C1QTNF3: variants seen among roughly 807,000 people sequenced by gnomAD.
C1QTNF3 encodes C1q and TNF related 3.
C1QTNF3 carries 26 observed loss-of-function variants against 32.6 expected under a neutral mutation model. That is an observed-to-expected ratio of 0.80 (90% CI 0.58 to 1.11). The LOEUF (loss-of-function observed/expected upper bound fraction) is 1.11. C1QTNF3 is among the 50% of genes least tolerant of loss of function. The pLI, the probability that C1QTNF3 is intolerant of heterozygous loss-of-function variation, is 0.00. For missense variants in C1QTNF3, 362 were observed against 398.2 expected (o/e 0.91, Z 0.77); for synonymous variants, 155 against 146.0 (o/e 1.06, Z -0.44).
chr5:34,158,170 GATCTC>G, the C1QTNF3 span: 8 of 148,446 alleles, frequency 5.4e-5, no homozygotes, highest in African/African-American at 2.0e-4. Context: ...ACAGTGGTGT[GATCTC>G]AGCTCACTGC....
At chr5:34,103,491 C>G in the C1QTNF3 span, among the ~76,000 whole-genome samples, 35 of 149,774 alleles carry the variant, frequency 2.3e-4, no homozygotes, top group African/African-American at 8.2e-4. Flanking sequence ...TTATAATTTG[C>G]CTTTCAACGA....
chr5:34,219,128 C>G, the C1QTNF3 span, among the ~76,000 whole-genome samples: 1 of 152,000 alleles, frequency 6.6e-6, no homozygotes, highest in Non-Finnish European at 1.5e-5. Flanking sequence ...TTCACTATAA[C>G]AGGAATTCTT....
chr5:34,027,115 G>T (rs1239652699), intron 4 of C1QTNF3, among the ~76,000 whole-genome samples: 1 of 152,114 alleles, frequency 6.6e-6, no homozygotes, highest in Admixed American at 6.5e-5. Context: ...CAAAATATGA[G>T]AACTTTGTAT....
the C1QTNF3 span, among the ~76,000 whole-genome samples, chr5:34,203,220 CCA>C: frequency 6.6e-6 from 1 of 152,090 alleles, no homozygotes; most frequent in African/African-American, 2.4e-5. Flanking sequence ...TTCCACCAAA[CCA>C]CAAAGACAAA....
the C1QTNF3 span, among the ~76,000 whole-genome samples, chr5:34,223,248 C>G: frequency 1.3e-5 from 2 of 148,718 alleles, no homozygotes; most frequent in Non-Finnish European, 3.0e-5. Context: ...CAATTCCCAC[C>G]TATGAGTGAG....
chr5:34,085,979 T>C, the C1QTNF3 span, among the ~76,000 whole-genome samples: 96 of 149,764 alleles, frequency 6.4e-4, no homozygotes, highest in East Asian at 0.014. Flanking sequence ...ACTATAAAGA[T>C]ACATGCACAT....
chr5:34,153,944 C>A, the C1QTNF3 span, among the ~76,000 whole-genome samples: 46 of 149,810 alleles, frequency 3.1e-4, no homozygotes, highest in Admixed American at 1.2e-3. Context: ...TTGTTGTTAT[C>A]ATTTCACATA....
the C1QTNF3 span, among the ~76,000 whole-genome samples, chr5:34,078,353 G>A: frequency 6.6e-6 from 1 of 151,814 alleles, no homozygotes; most frequent in African/African-American, 2.4e-5. This position sits in a 1 kb window ranked among gnomAD's most constrained non-coding sequence, Gnocchi z 4.0. Flanking sequence ...TGGGTCATTT[G>A]AAAACAAAGG....
At chr5:34,214,154 CACAT>C in the C1QTNF3 span, among the ~76,000 whole-genome samples, 1 of 151,622 alleles carries the variant, frequency 6.6e-6, no homozygotes, top group African/African-American at 2.4e-5. Flanking sequence ...TAAAATCAAC[CACAT>C]ACAATTAAGA....
the C1QTNF3 span, among the ~76,000 whole-genome samples, chr5:34,112,795 C>A: frequency 1.3e-5 from 2 of 152,254 alleles, no homozygotes; most frequent in Non-Finnish European, 2.9e-5. Context: ...TAGGCAATCA[C>A]AATAAATAAT....
the C1QTNF3 span, among the ~76,000 whole-genome samples, chr5:34,113,357 A>G: frequency 6.6e-6 from 1 of 151,156 alleles, no homozygotes; most frequent in East Asian, 2.0e-4. Context: ...AAGCATATCA[A>G]AATGACACAT....
the C1QTNF3 span, among the ~76,000 whole-genome samples, chr5:34,076,483 T>C: frequency 6.6e-6 from 1 of 151,722 alleles, no homozygotes; most frequent in African/African-American, 2.4e-5. Context: ...ACAGATTACA[T>C]ACACATCTAG....
the C1QTNF3 span, chr5:34,165,163 G>A: frequency 6.6e-6 from 1 of 152,110 alleles, no homozygotes; most frequent in Non-Finnish European, 1.5e-5. Flanking sequence ...GTTGCAAAGT[G>A]GCTGTCTGAG....
the C1QTNF3 span, among the ~76,000 whole-genome samples, chr5:34,065,329 A>G: frequency 6.6e-6 from 1 of 152,196 alleles, no homozygotes; most frequent in African/African-American, 2.4e-5. Context: ...AATCAAAACC[A>G]CAATAACACG....
upstream of C1QTNF3, among the ~76,000 whole-genome samples, chr5:34,047,219 G>A (rs548959092): frequency 9.2e-5 from 14 of 152,376 alleles, no homozygotes; most frequent in South Asian, 2.9e-3. Flanking sequence ...CACTGGGACT[G>A]TCACTGCATC....
the C1QTNF3 span, among the ~76,000 whole-genome samples, chr5:34,162,062 G>A: frequency 6.6e-6 from 1 of 152,036 alleles, no homozygotes; most frequent in Non-Finnish European, 1.5e-5. Context: ...GATAGTGAAA[G>A]GTAGTCTGAG....
chr5:34,236,665 G>T, the C1QTNF3 span, among the ~76,000 whole-genome samples: 2 of 117,210 alleles, frequency 1.7e-5, no homozygotes, highest in Non-Finnish European at 3.3e-5. Flanking sequence ...CCTCCACCCC[G>T]CCAGGTTCAA....
At chr5:34,203,287 A>G in the C1QTNF3 span, among the ~76,000 whole-genome samples, 2 of 152,230 alleles carry the variant, frequency 1.3e-5, no homozygotes, top group African/African-American at 4.8e-5. Flanking sequence ...CAAAGAACTT[A>G]TAAAACAAGT....
the C1QTNF3 span, among the ~76,000 whole-genome samples, chr5:34,095,160 C>T: frequency 6.6e-6 from 1 of 151,868 alleles, no homozygotes; most frequent in Non-Finnish European, 1.5e-5. Flanking sequence ...AGTCACTCTA[C>T]TCTACTATCA....
Sources: allele counts gnomAD v4.1 joint callset (sites outside exome capture counted in the v4.1 genomes callset), GRCh38; gene constraint gnomAD v4.1.1; non-coding constraint Gnocchi (gnomAD v3.1); transcripts MANE v1.5; gene names NCBI Gene and HGNC (gene_info 2026-07-23, HGNC 2026-07-21).